The following GOLGA4 variants were observed in gnomAD, a reference collection of about 807,000 sequenced individuals.
The protein encoded by GOLGA4 is golgin A4.
In GOLGA4, 169 loss-of-function variants were observed where a neutral mutation model predicts 265.9. The ratio of observed to expected loss-of-function variants is 0.64; its 90% CI spans 0.56 to 0.72. GOLGA4 has a LOEUF of 0.72. Among genes scored for constraint, GOLGA4 ranks in the 30% least tolerant of loss-of-function variants. The pLI is 0.00. For missense variants in GOLGA4, 2,482 were observed against 2,483.4 expected, an observed-to-expected ratio of 1.00 and a Z score of 0.01; for synonymous variants, 923 against 855.8, an observed-to-expected ratio of 1.08 and a Z score of -1.37.
intron 17 of GOLGA4, among the ~76,000 whole-genome samples, chr3:37,336,508 C>G (rs892085781): frequency 7.2e-5 from 11 of 152,092 alleles, no homozygotes; most frequent in African/African-American, 2.4e-4. Context: ...TGCCTGTAAT[C>G]CCAGCACTTT....
At chr3:37,296,046 GT>G (rs577622974) in intron 6 of GOLGA4, 40 bp from the exon 7 acceptor site, 33 of 1,581,332 alleles carry the variant, frequency 2.1e-5, no homozygotes, top group Non-Finnish European at 2.5e-5. Context: ...TACTCCCATA[GT>G]TTTTTTTGAC....
At chr3:37,354,019 T>C (rs2151065773) in intron 21 of GOLGA4, among the ~76,000 whole-genome samples, 1 of 152,206 alleles carries the variant, frequency 6.6e-6, no homozygotes, top group Non-Finnish European at 1.5e-5. Flanking sequence ...TTAGTAGAAA[T>C]AAGTATTGGA....
chr3:37,272,274 G>A (rs1281534556), intron 2 of GOLGA4, among the ~76,000 whole-genome samples: 2 of 151,924 alleles, frequency 1.3e-5, no homozygotes, highest in African/African-American at 4.8e-5. Context: ...AAGATGGTTG[G>A]GCATGGTGGC....
intron 2 of GOLGA4, among the ~76,000 whole-genome samples, chr3:37,262,814 G>T (rs1236447841): frequency 1.3e-5 from 2 of 151,710 alleles, no homozygotes; most frequent in African/African-American, 4.8e-5. Context: ...CGAGATTAAG[G>T]AAAAATATAT....
chr3:37,251,727 C>A (rs2096734394), intron 2 of GOLGA4, among the ~76,000 whole-genome samples: 1 of 151,908 alleles, frequency 6.6e-6, no homozygotes, highest in Non-Finnish European at 1.5e-5. Flanking sequence ...TTCTGTCACC[C>A]AGGCTAGAGT....
chr3:37,257,900 T>C (rs867753060), intron 2 of GOLGA4, among the ~76,000 whole-genome samples: 4,988 of 120,000 alleles, frequency 0.042, 1,066 homozygotes, highest in African/African-American at 0.13. Context: ...TATACATATA[T>C]ATATATATAT....
At chr3:37,312,279 A>G (rs190543779) in intron 10 of GOLGA4, among the ~76,000 whole-genome samples, 1 of 152,206 alleles carries the variant, frequency 6.6e-6, no homozygotes, top group Non-Finnish European at 1.5e-5. Flanking sequence ...GGCAGTAAGC[A>G]CTTTGTTTCA....
chr3:37,279,169 A>T (rs958490661), intron 2 of GOLGA4, among the ~76,000 whole-genome samples: 1 of 152,188 alleles, frequency 6.6e-6, no homozygotes, highest in Non-Finnish European at 1.5e-5. Flanking sequence ...AAAACATAGC[A>T]GCCTGTGGAC....
intron 10 of GOLGA4, among the ~76,000 whole-genome samples, chr3:37,312,078 G>A (rs1027881578): frequency 6.6e-6 from 1 of 152,120 alleles, no homozygotes; most frequent in Admixed American, 6.6e-5. Context: ...TGCTGAAAGG[G>A]TATCAAAACT....
intron 21 of GOLGA4, among the ~76,000 whole-genome samples, chr3:37,347,746 G>A (rs1041354738): frequency 1.3e-5 from 2 of 152,120 alleles, no homozygotes; most frequent in Non-Finnish European, 2.9e-5. Flanking sequence ...TTCTGCACTT[G>A]TGGAATATCG....
Position 37,355,135 on chromosome 3 carries a change from T to A in GOLGA4, c.6611T>A (p.Phe2204Tyr). Residue 2204 changes from phenylalanine to tyrosine, a missense_variant, in exon 22 of 24, where the codon TTC (phenylalanine) becomes TAC (tyrosine). Physicochemically the swap from Phe to Tyr is conservative, Grantham distance 22. Transcript: ENST00000361924. ...AAAGTTATAACCACCGTACTGAAGTTCCCTGATGATCAGACTCAGAAAATT... is the reference window on the plus strand; with the variant it reads ...AAAGTTATAACCACCGTACTGAAGTACCCTGATGATCAGACTCAGAAAATT... ...MAKVITTVLK[F>Y]PDDQTQKILE... The A allele has an allele frequency of 6.2e-7, 1 of 1,608,764 alleles. No individual in the cohort carries two copies. The highest frequency in any genetic ancestry group is 8.5e-7 in the Non-Finnish European group (1 of 1,175,482).
chr3:37,332,823 C>T (rs1399798396), intron 16 of GOLGA4, among the ~76,000 whole-genome samples: 2 of 151,958 alleles, frequency 1.3e-5, no homozygotes, highest in Non-Finnish European at 2.9e-5. Flanking sequence ...TTTGAATATA[C>T]TTTTCTATGT....
At chr3:37,275,363 C>T (rs1244243210) in intron 2 of GOLGA4, among the ~76,000 whole-genome samples, 1 of 151,834 alleles carries the variant, frequency 6.6e-6, no homozygotes, top group Non-Finnish European at 1.5e-5. Flanking sequence ...GGGAACAGCC[C>T]AAGTCCCTGG....
chr3:37,359,548 CTTGT>C (rs1159348614), intron 22 of GOLGA4, among the ~76,000 whole-genome samples: 2 of 151,960 alleles, frequency 1.3e-5, no homozygotes, highest in Non-Finnish European at 2.9e-5. Flanking sequence ...AGAAGGTTGG[CTTGT>C]TTGTGTTCTC....
intron 2 of GOLGA4, among the ~76,000 whole-genome samples, chr3:37,273,835 C>T (rs181421369): frequency 1.4e-4 from 22 of 152,252 alleles, no homozygotes; most frequent in Middle Eastern, 3.4e-3. Context: ...CTGTGGCTCC[C>T]GCCTGTCTGT....
intron 7 of GOLGA4, among the ~76,000 whole-genome samples, chr3:37,296,610 GC>G (rs774965925): frequency 2.5e-4 from 38 of 152,224 alleles, no homozygotes; most frequent in Non-Finnish European, 5.0e-4. Context: ...TCACTCTATT[GC>G]CTAGGCTGGA....
intron 2 of GOLGA4, among the ~76,000 whole-genome samples, chr3:37,271,616 C>T (rs1343411304): frequency 6.6e-6 from 1 of 152,146 alleles, no homozygotes; most frequent in African/African-American, 2.4e-5. Flanking sequence ...CTGACCGTAC[C>T]ACTACCATTT....
intron 2 of GOLGA4, among the ~76,000 whole-genome samples, chr3:37,254,535 A>G (rs188297297): frequency 6.6e-5 from 10 of 152,006 alleles, no homozygotes; most frequent in Admixed American, 6.6e-4. Context: ...CAATTGTTTA[A>G]TTGTTTTAAA....
At chr3:37,308,246 C>T (rs914588123) in intron 10 of GOLGA4, among the ~76,000 whole-genome samples, 15 of 148,778 alleles carry the variant, frequency 1.0e-4, no homozygotes, top group Non-Finnish European at 1.9e-4. Context: ...AAAAAAAAAA[C>T]GAACAAAAAG....
Sources: gnomAD v4.1 joint callset for allele counts (sites outside exome capture counted in the v4.1 genomes callset) on GRCh38, gnomAD v4.1.1 for gene constraint, MANE v1.5 for transcripts, NCBI Gene and HGNC (gene_info 2026-07-23, HGNC 2026-07-21) for gene names.